CST8: variants seen among roughly 807,000 people sequenced by gnomAD.
CST8 encodes cystatin 8.
Under a neutral mutation model 11.8 loss-of-function variants are expected in CST8, and 20 were observed. The observed-to-expected ratio is 1.70, with a 90% CI of 1.20 to 2.47. The LOEUF is 2.47. CST8 is among the 30% of genes most tolerant of loss of function. The probability of loss-of-function intolerance (pLI) is 0.00; values close to 1 mark genes in which losing one functional copy is unlikely to be tolerated. For synonymous variants in CST8, 77 were observed against 63.1 expected, an observed-to-expected ratio of 1.22 and a Z score of -1.05; for missense variants, 196 against 167.2, an observed-to-expected ratio of 1.17 and a Z score of -0.95.
At chr20:23,506,342 G>A in the CST8 span, among the ~76,000 whole-genome samples, 1 of 152,130 alleles carries the variant, frequency 6.6e-6, no homozygotes, top group African/African-American at 2.4e-5. Flanking sequence ...TCAGGTGCAG[G>A]CTTGCCTGTA....
intron 3 of CST8, 50 bp from the exon 4 acceptor site, chr20:23,495,775 CTTTTTT>C (rs11482296): frequency 6.6e-5 from 62 of 933,782 alleles, no homozygotes; most frequent in Admixed American, 9.5e-5. Context: ...TTTTTCTTTT[CTTTTTT>C]TTTTTTTTTT....
intron 3 of CST8, among the ~76,000 whole-genome samples, chr20:23,494,849 A>T (rs2983289): frequency 6.6e-6 from 1 of 151,500 alleles, no homozygotes; most frequent in African/African-American, 2.4e-5. Flanking sequence ...GGGTACACAT[A>T]CAGGCTTGTT....
Position 23,491,317 on chromosome 20 carries a change from A to G in CST8, c.-169A>G. On this transcript the variant is annotated 5_prime_UTR_variant, in exon 1 of 4. Coordinates refer to ENST00000246012, the MANE Select transcript of CST8 (RefSeq NM_005492.4). ...ATCACATCATACAGGACTGAGAAGC[A>G]GATAACAAGAGTGACGCTCACAGGG... 1 of 290,226 alleles carries G rather than the reference A, an allele frequency of 3.4e-6. No individual in the cohort carries two copies. The highest frequency in any genetic ancestry group is 2.2e-5 in the African/African-American group (1 of 46,478). The allele number at this position is 290,226 out of a possible 1,614,324, so 18.0% of individuals were successfully genotyped here. A position where few individuals can be genotyped will look rare whatever the true frequency, so the allele number is the denominator to read the frequency against.
At chr20:23,491,501 C>A in intron 1 of CST8, 24 bp from the exon 2 acceptor site, 1 of 623,184 alleles carries the variant, frequency 1.6e-6, no homozygotes, top group Non-Finnish European at 2.8e-6. Context: ...AAAGAGTGAC[C>A]CTAATGGCCT....
At chr20:23,493,293 A>G (rs1262451991) in intron 3 of CST8, among the ~76,000 whole-genome samples, 2 of 152,182 alleles carry the variant, frequency 1.3e-5, no homozygotes, top group Admixed American at 6.5e-5. Flanking sequence ...GGATGTTGTC[A>G]AGACCACTCT....
the CST8 span, among the ~76,000 whole-genome samples, chr20:23,503,857 G>A: frequency 6.6e-6 from 1 of 152,180 alleles, no homozygotes; most frequent in African/African-American, 2.4e-5. Flanking sequence ...GGGAGGGAGT[G>A]CCCACCTGTG....
Position 23,493,267 on chromosome 20 carries a change from C to G in CST8, c.345+196C>G, listed in dbSNP as rs894606669. ...GAACCCTCTGAGCTTCTTTCTCATC[C>G]TTCATCCTGCAGAAAGGATGTTGTC... On this transcript the variant is annotated intron_variant, in intron 3 of 3. Transcript: ENST00000246012. Among the ~76,000 whole-genome samples, 3 of 152,290 alleles carry G rather than the reference C, an allele frequency of 2.0e-5. No individual in the cohort carries two copies. The Middle Eastern group carries it at 0.01, about 518-fold the overall frequency.
downstream of CST8, among the ~76,000 whole-genome samples, chr20:23,497,077 A>G (rs1988063804): frequency 6.6e-6 from 1 of 152,226 alleles, no homozygotes. Context: ...CAGGATTAAG[A>G]GATTAAAGTA....
At chr20:23,493,165 TG>T in intron 3 of CST8, 94 bp downstream of exon 3, 1 of 811,542 alleles carries the variant, frequency 1.2e-6, no homozygotes, top group East Asian at 2.4e-5. Flanking sequence ...GAGGTCTGGG[TG>T]GCTCCCAGTG....
At position 23,492,836 on chromosome 20, in the gene CST8, G is replaced by C. The variant is rs115138230; in HGVS notation, c.232-122G>C. 203 of 717,250 alleles carry C rather than the reference G, an allele frequency of 2.8e-4. No homozygotes were observed. In the African/African-American group the frequency reaches 3.1e-3, roughly 11 times the overall value. The allele number at this position is 717,250 out of a possible 1,614,324, so 44.4% of individuals were successfully genotyped here. On this transcript the variant is annotated intron_variant, in intron 2 of 3. Coordinates refer to ENST00000246012, the MANE Select transcript of CST8 (RefSeq NM_005492.4). ...CATCTTAGCCTTCCGCTAAAGCTCT[G>C]TCTGGGGGTGAGGGAGGAAGGAAAG...
rs367622893 is a variant in CST8, at chr20:23,491,846, G to A, written c.179G>A (p.Ser60Asn). Residue 60 changes from serine to asparagine, a missense_variant, in exon 2 of 4, where the codon AGC (serine) becomes AAC (asparagine). By Grantham distance (46) the Ser-to-Asn change is conservative. Coordinates refer to ENST00000246012, the MANE Select transcript of CST8 (RefSeq NM_005492.4). ...WFAMQEYNKE[S>N]EDKYVFLVVK... ...GCCATGCAAGAATACAACAAAGAGA[G>A]CGAGGACAAGTATGTCTTCCTGGTG... 7 of 1,614,108 alleles carry A rather than the reference G, an allele frequency of 4.3e-6. No individual in the cohort carries two copies. Among genetic ancestry groups the A allele is most frequent in the South Asian group, 2.2e-5 (2 of 91,088 alleles).
chr20:23,506,137 A>G, the CST8 span, among the ~76,000 whole-genome samples: 11 of 152,286 alleles, frequency 7.2e-5, no homozygotes, highest in Non-Finnish European at 1.3e-4. Context: ...TGACTACATT[A>G]TAACATTTTG....
chr20:23,504,581 T>A, the CST8 span, among the ~76,000 whole-genome samples: 1 of 152,210 alleles, frequency 6.6e-6, no homozygotes, highest in Non-Finnish European at 1.5e-5. Context: ...TAAAGTAACT[T>A]TATTTATAGA....
downstream of CST8, among the ~76,000 whole-genome samples, chr20:23,497,631 T>A (rs1356100266): frequency 6.6e-6 from 1 of 152,232 alleles, no homozygotes; most frequent in Non-Finnish European, 1.5e-5. Flanking sequence ...CAGTTTCACA[T>A]GGTTGAGGAG....
the CST8 span, among the ~76,000 whole-genome samples, chr20:23,501,605 G>A: frequency 6.6e-6 from 1 of 152,234 alleles, no homozygotes; most frequent in Non-Finnish European, 1.5e-5. Flanking sequence ...GGCCCCTTGT[G>A]TAGGGGCTTG....
the CST8 span, among the ~76,000 whole-genome samples, chr20:23,506,316 G>T: frequency 2.0e-5 from 3 of 152,106 alleles, no homozygotes; most frequent in African/African-American, 7.2e-5. Flanking sequence ...TGCTGTGGGG[G>T]TCCTAGACTC....
At chr20:23,501,645 G>A in the CST8 span, among the ~76,000 whole-genome samples, 2 of 152,242 alleles carry the variant, frequency 1.3e-5, no homozygotes, top group East Asian at 1.9e-4. Flanking sequence ...GGAGTCAGCT[G>A]TGGTCCAGAG....
At chr20:23,499,955 GGAGA>G (rs1208734374), downstream of CST8, among the ~76,000 whole-genome samples, 2 of 151,758 alleles carry the variant, frequency 1.3e-5, no homozygotes, top group African/African-American at 4.8e-5. Flanking sequence ...TTCTTGTGCA[GGAGA>G]GAGAGAGACA....
chr20:23,503,985 G>A, the CST8 span, among the ~76,000 whole-genome samples: 1 of 152,242 alleles, frequency 6.6e-6, no homozygotes, highest in African/African-American at 2.4e-5. Context: ...AGGTTCCAGA[G>A]AGTGCAGGAA....
Sources: gnomAD v4.1 joint callset for allele counts (sites outside exome capture counted in the v4.1 genomes callset) on GRCh38, gnomAD v4.1.1 for gene constraint, MANE v1.5 for transcripts, NCBI Gene and HGNC (gene_info 2026-07-23, HGNC 2026-07-21) for gene names.